Variants in INPP5F observed in about 807,000 individuals in gnomAD.
INPP5F encodes the protein phosphatidylinositide 4-phosphatase SAC2.
INPP5F carries 97 observed loss-of-function variants against 137.2 expected under a neutral mutation model. The observed-to-expected ratio is 0.71, with a 90% CI of 0.60 to 0.84. INPP5F has a LOEUF of 0.84. Among genes scored for constraint, INPP5F ranks in the 40% least tolerant of loss-of-function variants. The pLI is 0.00. For missense variants in INPP5F, 1,271 were observed against 1,371.9 expected, an observed-to-expected ratio of 0.93 and a Z score of 1.16; for synonymous variants, 504 against 476.9, an observed-to-expected ratio of 1.06 and a Z score of -0.74.
At chr10:119,790,731 T>C (rs943768283) in intron 3 of INPP5F, among the ~76,000 whole-genome samples, 1 of 152,242 alleles carries the variant, frequency 6.6e-6, no homozygotes, top group African/African-American at 2.4e-5. Flanking sequence ...TGCATATTGT[T>C]AACAGAATTT....
At chr10:119,752,499 C>T (rs1051708435) in intron 2 of INPP5F, among the ~76,000 whole-genome samples, 6 of 151,162 alleles carry the variant, frequency 4.0e-5, no homozygotes, top group African/African-American at 1.5e-4. Context: ...GCAGGAGAAT[C>T]GCTTGAACCT....
rs1564841697 is a variant in INPP5F, at chr10:119,804,212, A to G, written c.1156A>G (p.Ile386Val). 3 of 1,611,116 alleles carry G rather than the reference A, an allele frequency of 1.9e-6. No individual in the cohort carries two copies. Among genetic ancestry groups the G allele is most frequent in the Non-Finnish European group, 2.5e-6 (3 of 1,177,754 alleles). ...NLVDQAGREK[I>V]IGDAYLKQVL... Reference sequence around the variant, plus strand: ...GGTAGACCAGGCAGGAAGAGAGAAGATTATTGGCGATGCTTACCTGAAGCA... The same window carrying G: ...GGTAGACCAGGCAGGAAGAGAGAAGGTTATTGGCGATGCTTACCTGAAGCA... The change falls in exon 10 of 20, where the codon ATT becomes GTT. Residue 386 changes from isoleucine (I) to valine (V), a missense_variant. Coordinates refer to ENST00000650623, the MANE Select transcript of INPP5F (RefSeq NM_014937.4).
chr10:119,731,662 A>C (rs1848072206), intron 1 of INPP5F, among the ~76,000 whole-genome samples: 1 of 152,208 alleles, frequency 6.6e-6, no homozygotes, highest in Non-Finnish European at 1.5e-5. Flanking sequence ...AGACTGTCTC[A>C]GAAAAAAATA....
intron 1 of INPP5F, among the ~76,000 whole-genome samples, chr10:119,726,630 T>C (rs1847901525): frequency 6.6e-6 from 1 of 152,212 alleles, no homozygotes; most frequent in Non-Finnish European, 1.5e-5. Context: ...CCCTTGGGGC[T>C]TGGGGCCCAG....
At chr10:119,758,555 C>T (rs1277339027) in intron 2 of INPP5F, among the ~76,000 whole-genome samples, 1 of 152,084 alleles carries the variant, frequency 6.6e-6, no homozygotes, top group African/African-American at 2.4e-5. Flanking sequence ...AATGTATTTT[C>T]AAGATTGAGA....
At chr10:119,759,170 C>G (rs932982399) in intron 2 of INPP5F, among the ~76,000 whole-genome samples, 1 of 152,142 alleles carries the variant, frequency 6.6e-6, no homozygotes, top group Admixed American at 6.5e-5. Context: ...CAGGCACGTA[C>G]CACCGTGCCC....
chr10:119,741,229 C>T (rs961869599), intron 1 of INPP5F, among the ~76,000 whole-genome samples: 6 of 152,202 alleles, frequency 3.9e-5, no homozygotes, highest in African/African-American at 1.4e-4. Context: ...TTTCCTGTCA[C>T]CTGGCTCTCT....
chr10:119,757,009 C>A (rs1848867627), intron 2 of INPP5F, among the ~76,000 whole-genome samples: 1 of 152,118 alleles, frequency 6.6e-6, no homozygotes, highest in Non-Finnish European at 1.5e-5. Context: ...GTAATGTAGT[C>A]TGTCTTCCGA....
intron 2 of INPP5F, among the ~76,000 whole-genome samples, chr10:119,761,581 GT>G (rs34003892): frequency 1.9e-3 from 270 of 144,274 alleles, no homozygotes; most frequent in African/African-American, 4.5e-3. Flanking sequence ...TCTTAATGTA[GT>G]TTTTTTTTTT....
At chr10:119,805,260 C>T in intron 10 of INPP5F, 124 bp from the exon 11 acceptor site, 1 of 662,974 alleles carries the variant, frequency 1.5e-6, no homozygotes, top group Admixed American at 2.6e-5. Flanking sequence ...TAGTATTAAC[C>T]TCATATATGT....
intron 15 of INPP5F, chr10:119,819,407 T>C: frequency 1.4e-6 from 2 of 1,459,030 alleles, no homozygotes; most frequent in Non-Finnish European, 1.8e-6. Context: ...GTTTGGCTGA[T>C]GTAAATATTA....
intron 1 of INPP5F, among the ~76,000 whole-genome samples, chr10:119,729,187 C>T (rs935567231): frequency 6.6e-6 from 1 of 152,072 alleles, no homozygotes; most frequent in Non-Finnish European, 1.5e-5. Flanking sequence ...GCTCTGTTGC[C>T]CAGGCTGGAG....
At chr10:119,802,596 T>C (rs1366608689) in intron 9 of INPP5F, among the ~76,000 whole-genome samples, 2 of 152,238 alleles carry the variant, frequency 1.3e-5, no homozygotes, top group Non-Finnish European at 2.9e-5. Flanking sequence ...TAGGATATAC[T>C]AGTTATTTTG....
chr10:119,771,948 T>C (rs1304795278), intron 2 of INPP5F, among the ~76,000 whole-genome samples: 1 of 126,868 alleles, frequency 7.9e-6, no homozygotes, highest in Non-Finnish European at 1.6e-5. Flanking sequence ...CAGGCTGGAG[T>C]GCAGTGGCGC....
At position 119,726,227 on chromosome 10, in the gene INPP5F, C is replaced by T. The variant is rs1158732403; in HGVS notation, c.-36C>T. 34 of 1,376,428 alleles carry T rather than the reference C, an allele frequency of 2.5e-5. No individual in the cohort carries two copies. Among genetic ancestry groups the T allele is most frequent in the Non-Finnish European group, 3.0e-5 (31 of 1,048,630 alleles). 85.3% of individuals were successfully genotyped at this position (1,376,428 alleles called of 1,614,324 possible). A position where few individuals can be genotyped will look rare whatever the true frequency, so the allele number is the denominator to read the frequency against. On this transcript the variant is annotated 5_prime_UTR_variant, in exon 1 of 20. Coordinates refer to ENST00000650623, the MANE Select transcript of INPP5F (RefSeq NM_014937.4). The stretch of plus-strand genomic sequence containing the variant: ...CGACTAGGACGCCCCGTGCGCCGCC[C>T]GCGGGCCGCCGCCTCCCTGGGCGCG...
In INPP5F at chr10:119,827,008, C is replaced by G. The variant is rs137929196; in HGVS notation, c.2627C>G (p.Ala876Gly). The change falls in exon 20 of 20, where the codon GCT (alanine) becomes GGT (glycine). Residue 876 changes from alanine to glycine, a missense_variant. Transcript: ENST00000650623. ...AAGTCTGATGAAGACAGGCAGCTAG[C>G]TAACTCATTAGAGAGTGTAGGGCCA... The part of the protein sequence containing the change: ...NSKSDEDRQL[A>G]NSLESVGPID... 281 of 1,614,124 alleles carry G rather than the reference C, an allele frequency of 1.7e-4. 2 individuals carry two copies. In the East Asian group the frequency reaches 5.9e-3, roughly 34 times the overall value.
At chr10:119,774,916 A>T (rs535487903) in intron 2 of INPP5F, among the ~76,000 whole-genome samples, 1 of 152,278 alleles carries the variant, frequency 6.6e-6, no homozygotes, top group South Asian at 2.1e-4. Context: ...GAGGTTTAGC[A>T]AATGAAAAAT....
rs763469140 is a variant in INPP5F, at chr10:119,827,059, G to A, written c.2678G>A (p.Gly893Asp). 1 of 1,614,134 alleles carries A rather than the reference G, an allele frequency of 6.2e-7. No individual in the cohort carries two copies. Among genetic ancestry groups the A allele is most frequent in the Non-Finnish European group, 8.5e-7 (1 of 1,180,010 alleles). Reference sequence around the variant, plus strand: ...ATAGATTACGTTCTTCCTAGTTGTGGTATTATTGCCTCAGCGCCTCGATTG... The same window carrying A: ...ATAGATTACGTTCTTCCTAGTTGTGATATTATTGCCTCAGCGCCTCGATTG... ...GPIDYVLPSC[G>D]IIASAPRLGS... Residue 893 changes from glycine (G) to aspartate (D), a missense_variant, in exon 20 of 20, where the codon GGT (glycine) becomes GAT (aspartate). Physicochemically the swap from Gly to Asp is moderately conservative, Grantham distance 94 (BLOSUM62 -1). This residue lies in a region of INPP5F where 490 missense variants were observed against 443.7 expected (regional missense o/e 1.10). Coordinates refer to ENST00000650623, the MANE Select transcript of INPP5F (RefSeq NM_014937.4).
intron 10 of INPP5F, 144 bp downstream of exon 10, chr10:119,804,441 T>C (rs1850696850): frequency 1.4e-6 from 1 of 719,094 alleles, no homozygotes; most frequent in Non-Finnish European, 2.1e-6. Flanking sequence ...TCATTTACTT[T>C]GTTTTAATTT....
Sources: gnomAD v4.1 joint callset for allele counts (sites outside exome capture counted in the v4.1 genomes callset) on GRCh38, gnomAD v4.1.1 for gene constraint, gnomAD v4.1.1 regional missense constraint, MANE v1.5 for transcripts, NCBI Gene and HGNC (gene_info 2026-07-23, HGNC 2026-07-21) for gene names.